Variants in NDUFS3 observed in about 807,000 individuals in gnomAD.
NDUFS3 encodes the protein NADH dehydrogenase [ubiquinone] iron-sulfur protein 3, mitochondrial.
NDUFS3 carries 19 observed loss-of-function variants against 30.8 expected under a neutral mutation model. That is an observed-to-expected ratio of 0.62 (90% CI 0.43 to 0.91). The LOEUF is 0.91. NDUFS3 is among the 40% of genes least tolerant of loss of function. The pLI is 0.00. For synonymous variants in NDUFS3, 153 were observed against 135.8 expected (o/e 1.13, Z -0.88); for missense variants, 331 against 342.0 (o/e 0.97, Z 0.25).
At position 47,580,871 on chromosome 11, in the gene NDUFS3, C is replaced by T; in HGVS notation, c.268C>T (p.Pro90Ser). The T allele has an allele frequency of 6.2e-7, 1 of 1,614,206 alleles. No individual in the cohort carries two copies. Among genetic ancestry groups the T allele is most frequent in the Non-Finnish European group, 8.5e-7 (1 of 1,180,044 alleles). The stretch of plus-strand genomic sequence containing the variant: ...CAATGAGTTAGAGGTCTGTATCCAT[C>T]CTGATGGCGTCATCCCAGTGCTGAC... ...CFNELEVCIH[P>S]DGVIPVLTFL... is the part of the protein sequence containing the mutation. The change falls in exon 4 of 7, where the codon CCT becomes TCT. Residue 90 changes from proline to serine, a missense_variant. Pro to Ser is a moderately conservative substitution (Grantham distance 74, BLOSUM62 -1). Transcript: ENST00000263774.
chr11:47,581,022 ATATTAATTTCAGTTTG>A (rs752959216), intron 4 of NDUFS3, 38 bp downstream of exon 4: 1 of 1,613,586 alleles, frequency 6.2e-7, no homozygotes, highest in South Asian at 1.1e-5. Flanking sequence ...GGGGGTAAGG[ATATTAATTTCAGTTTG>A]TAACATACAA....
At chr11:47,580,029 A>C (rs971727108) in intron 2 of NDUFS3, among the ~76,000 whole-genome samples, 1 of 122,924 alleles carries the variant, frequency 8.1e-6, no homozygotes, top group African/African-American at 3.1e-5. Context: ...ACACACACAC[A>C]CCTGGGCCTC....
chr11:47,581,269 T>G (rs1286978704), intron 4 of NDUFS3: 2 of 407,160 alleles, frequency 4.9e-6, no homozygotes, highest in East Asian at 1.1e-4. Context: ...TTCCCCTGCC[T>G]CAGCCCCTTG....
At chr11:47,581,047 A>G (rs750066555) in intron 4 of NDUFS3, 63 bp downstream of exon 4, 1 of 1,594,608 alleles carries the variant, frequency 6.3e-7, no homozygotes, top group Non-Finnish European at 8.6e-7. Flanking sequence ...TGTAACATAC[A>G]ATAGAACACA....
chr11:47,583,748 C>T (rs532145391), intron 6 of NDUFS3, among the ~76,000 whole-genome samples: 37 of 152,308 alleles, frequency 2.4e-4, no homozygotes, highest in African/African-American at 8.4e-4. Flanking sequence ...CTATCTCCCT[C>T]GCTTCTCCCT....
rs752080906 is a variant in NDUFS3, at chr11:47,584,507, G to A, written c.*26G>A. 7.4e-6 allele frequency: 12 copies of A among 1,612,854 alleles called. No individual in the cohort carries two copies. Among genetic ancestry groups the A allele is most frequent in the African/African-American group, 2.7e-5 (2 of 74,970 alleles). On this transcript the variant is annotated 3_prime_UTR_variant, in exon 7 of 7. Coordinates refer to ENST00000263774, the MANE Select transcript of NDUFS3 (RefSeq NM_004551.3). ...CTCCAGGGAACGCATGTGGATCCTAGACAGCGCCTTATCTATGATTGAGTG... is the reference window on the plus strand; with the variant it reads ...CTCCAGGGAACGCATGTGGATCCTAAACAGCGCCTTATCTATGATTGAGTG...
intron 2 of NDUFS3, among the ~76,000 whole-genome samples, chr11:47,580,267 G>T (rs1453699017): frequency 1.3e-5 from 2 of 152,234 alleles, no homozygotes; most frequent in Admixed American, 6.5e-5. Context: ...GGGAAGAACT[G>T]TGGAGTAATT....
At chr11:47,582,041 A>T (rs777012869) in intron 4 of NDUFS3, 47 bp from the exon 5 acceptor site, 2 of 1,610,400 alleles carry the variant, frequency 1.2e-6, no homozygotes, top group Non-Finnish European at 1.7e-6. Flanking sequence ...AACTCTCCCA[A>T]TCAGGGACTC....
rs2097270218 is a variant in NDUFS3, at chr11:47,584,464, A to T, written c.778A>T (p.Lys260Ter). 6.2e-7 allele frequency: 1 copy of T among 1,613,984 alleles called. No individual in the cohort carries two copies. Among genetic ancestry groups the T allele is most frequent in the Non-Finnish European group, 8.5e-7 (1 of 1,180,024 alleles). The change falls in exon 7 of 7, where the codon AAG becomes TAG. Residue 260 changes from lysine to a stop codon, truncating the protein, a stop_gained. Transcript: ENST00000263774. LOFTEE classifies it high-confidence loss of function. Reference protein sequence around the residue: ...ESLKLEAGDKKPDAK With the variant: ...ESLKLEAGDK Reference sequence around the variant, plus strand: ...TCTCAAGCTTGAAGCCGGAGACAAGAAGCCTGATGCCAAGTAGCTCCAGGG... The same window carrying T: ...TCTCAAGCTTGAAGCCGGAGACAAGTAGCCTGATGCCAAGTAGCTCCAGGG...
intron 5 of NDUFS3, 23 bp downstream of exon 5, chr11:47,582,236 C>T (rs1402736390): frequency 6.2e-7 from 1 of 1,614,092 alleles, no homozygotes; most frequent in Non-Finnish European, 8.5e-7. Context: ...ATATGGTGGA[C>T]CTGCCTCTGG....
chr11:47,582,178 T>C lies in NDUFS3; in HGVS notation c.472T>C (p.Ser158Pro). Residue 158 changes from serine (S) to proline (P), a missense_variant, in exon 5 of 7, where the codon TCT (serine) becomes CCT (proline). Coordinates refer to ENST00000263774, the MANE Select transcript of NDUFS3 (RefSeq NM_004551.3). ...DELTPIESAVSVFKAANWYER... is the reference protein window; with the variant it reads ...DELTPIESAVPVFKAANWYER... ...GCTGACGCCCATTGAGTCTGCTGTC[T>C]CTGTGTTCAAGGCAGCCAACTGGTA... 6.2e-7 allele frequency: 1 copy of C among 1,614,210 alleles called. No individual in the cohort carries two copies. Among genetic ancestry groups the C allele is most frequent in the Non-Finnish European group, 8.5e-7 (1 of 1,180,030 alleles).
chr11:47,579,075 G>GTC lies in NDUFS3; in HGVS notation c.-15_-14dup. ...CTGCTGTCTTTCCGTCCGCTGCCTA[G>GTC]TCTGCATCTGAGTAACATGGCGGCG... On this transcript the variant is annotated 5_prime_UTR_variant, in exon 1 of 7. Transcript: ENST00000263774. The GTC allele has an allele frequency of 6.4e-7, 1 of 1,556,534 alleles. No homozygotes were observed. The highest frequency in any genetic ancestry group is 8.7e-7 in the Non-Finnish European group (1 of 1,151,214).
intron 6 of NDUFS3, among the ~76,000 whole-genome samples, chr11:47,583,016 T>G (rs1253624745): frequency 1.3e-5 from 2 of 151,942 alleles, no homozygotes. Context: ...AAATGATGTA[T>G]GAAGCCTGCT....
At chr11:47,579,550 T>C in intron 2 of NDUFS3, 1 of 630,582 alleles carries the variant, frequency 1.6e-6, no homozygotes, top group Non-Finnish European at 2.8e-6. Flanking sequence ...CATCCCCTTT[T>C]TGTCTGATTA....
In NDUFS3 at chr11:47,579,292, TTGC is replaced by T; in HGVS notation, c.95_97del (p.Leu32del). On this transcript the variant is annotated inframe_deletion, in exon 2 of 7. Coordinates refer to ENST00000263774, the MANE Select transcript of NDUFS3 (RefSeq NM_004551.3). ...AGGGACTGGGCGACCCTCCGTTCTG[TTGC>T]TGCCGGTGAGGCGGGAGAGCGCCGG... 2 of 1,614,192 alleles carry T rather than the reference TTGC, an allele frequency of 1.2e-6. No individual in the cohort carries two copies. The highest frequency in any genetic ancestry group is 1.3e-5 in the African/African-American group (1 of 75,066).
intron 2 of NDUFS3, 141 bp downstream of exon 2, chr11:47,579,475 A>G: frequency 2.9e-6 from 3 of 1,023,992 alleles, no homozygotes; most frequent in Non-Finnish European, 4.4e-6. Context: ...CCCTGCATGC[A>G]GAATCGAGCC....
chr11:47,583,864 T>A (rs1323978252), intron 6 of NDUFS3, among the ~76,000 whole-genome samples: 1 of 152,214 alleles, frequency 6.6e-6, no homozygotes, highest in Non-Finnish European at 1.5e-5. Context: ...AAAAGCTGTG[T>A]CAAATGTACT....
intron 6 of NDUFS3, 96 bp downstream of exon 6, chr11:47,582,564 G>T (rs2097269275): frequency 4.1e-5 from 66 of 1,592,922 alleles, no homozygotes; most frequent in Non-Finnish European, 5.7e-5. Flanking sequence ...TCTGTGGATT[G>T]TGGTGGTTTA....
In NDUFS3 at chr11:47,579,136, G is replaced by T; in HGVS notation, c.45G>T (p.Leu15Phe). Residue 15 changes from leucine to phenylalanine, a missense_variant, in exon 1 of 7, where the codon TTG (leucine) becomes TTT (phenylalanine). Coordinates refer to ENST00000263774, the MANE Select transcript of NDUFS3 (RefSeq NM_004551.3). ...AVARLWWRGI[L>F]GASALTRGTG... ...CCAGGCTGTGGTGGCGCGGGATCTT[G>T]GGGGCCTCGGCGCTGACCAGGGGTG... 6.3e-7 allele frequency: 1 copy of T among 1,599,918 alleles called. No homozygotes were observed.
Sources: allele counts gnomAD v4.1 joint callset (sites outside exome capture counted in the v4.1 genomes callset), GRCh38; gene constraint gnomAD v4.1.1; transcripts MANE v1.5; gene names NCBI Gene and HGNC (gene_info 2026-07-23, HGNC 2026-07-21).